Variants in PDE11A observed in about 807,000 individuals in gnomAD.
PDE11A encodes the protein phosphodiesterase 11A.
Under a neutral mutation model 100.5 loss-of-function variants are expected in PDE11A, and 100 were observed. The observed-to-expected ratio is 1.00, with a 90% CI of 0.85 to 1.18. The LOEUF (loss-of-function observed/expected upper bound fraction) is 1.18, where lower values mean the gene tolerates loss of function less well. PDE11A is among the 50% of genes most tolerant of loss of function. PDE11A has a pLI of 0.00. For synonymous variants in PDE11A, 381 were observed against 420.8 expected, an observed-to-expected ratio of 0.91 and a Z score of 1.16; for missense variants, 1,141 against 1,152.6, an observed-to-expected ratio of 0.99 and a Z score of 0.15.
At chr2:177,815,598 A>C (rs80322631) in intron 9 of PDE11A, among the ~76,000 whole-genome samples, 1,745 of 152,278 alleles carry the variant, frequency 0.011, 15 homozygotes, top group East Asian at 0.059. Flanking sequence ...AAAATTATTC[A>C]ATAAATCCCA....
At chr2:177,904,087 C>A (rs1010504758) in intron 3 of PDE11A, among the ~76,000 whole-genome samples, 2 of 152,068 alleles carry the variant, frequency 1.3e-5, no homozygotes, top group Non-Finnish European at 2.9e-5. Flanking sequence ...GGTTTCAAAC[C>A]TTTTTGAACA....
chr2:178,059,169 C>T (rs773650651), intron 1 of PDE11A, among the ~76,000 whole-genome samples: 8 of 152,218 alleles, frequency 5.3e-5, no homozygotes, highest in Non-Finnish European at 7.3e-5. Context: ...GCCCTAGCTC[C>T]ATGAGCCCTG....
intron 2 of PDE11A, among the ~76,000 whole-genome samples, chr2:178,013,575 T>C (rs1337641369): frequency 6.6e-6 from 1 of 152,196 alleles, no homozygotes; most frequent in Non-Finnish European, 1.5e-5. Flanking sequence ...TAAATAGAAA[T>C]ATGAGAGTCA....
chr2:178,092,324 C>T (rs2087433100), intron 2 of PDE11A, among the ~76,000 whole-genome samples: 1 of 152,194 alleles, frequency 6.6e-6, no homozygotes, highest in Non-Finnish European at 1.5e-5. Context: ...AGCATGCCAA[C>T]AAAAGCGAGT....
chr2:177,922,887 A>G, intron 2 of PDE11A: 4 of 911,460 alleles, frequency 4.4e-6, no homozygotes, highest in Non-Finnish European at 5.2e-6. Flanking sequence ...TAAGTTGTAT[A>G]CCTCTGTCTT....
intron 1 of PDE11A, among the ~76,000 whole-genome samples, chr2:178,032,998 G>A (rs1898013): frequency 0.5 from 76,426 of 151,988 alleles, 19,996 homozygotes; most frequent in East Asian, 0.71. Flanking sequence ...TCTCCTCCAA[G>A]TGGTTACAAC....
chr2:177,833,636 T>G (rs1228125112), intron 6 of PDE11A, among the ~76,000 whole-genome samples: 1 of 152,238 alleles, frequency 6.6e-6, no homozygotes, highest in South Asian at 2.1e-4. Flanking sequence ...TTCTATTTAC[T>G]GAAAGTTGAT....
intron 15 of PDE11A, among the ~76,000 whole-genome samples, chr2:177,694,914 T>C (rs1018641755): frequency 9.2e-5 from 14 of 152,034 alleles, no homozygotes; most frequent in African/African-American, 3.4e-4. Context: ...TCTTGTTTCA[T>C]GGATGCAATA....
intron 2 of PDE11A, among the ~76,000 whole-genome samples, chr2:178,086,895 A>G (rs1332717159): frequency 6.6e-6 from 1 of 152,214 alleles, no homozygotes; most frequent in African/African-American, 2.4e-5. Flanking sequence ...CAGTTTTCTC[A>G]ACTTTAAAAT....
chr2:178,086,235 A>G (rs1343818563), intron 2 of PDE11A, among the ~76,000 whole-genome samples: 1 of 152,142 alleles, frequency 6.6e-6, no homozygotes, highest in Admixed American at 6.5e-5. Flanking sequence ...AAAAAATGCA[A>G]AAGTGTAAGC....
At chr2:177,875,793 T>C in intron 5 of PDE11A, 66 bp downstream of exon 5, 1 of 984,306 alleles carries the variant, frequency 1.0e-6, no homozygotes, top group Non-Finnish European at 1.7e-6. Flanking sequence ...TTCTAAGAAT[T>C]ATGCAATGCT....
At chr2:177,738,704 G>A (rs1350702559) in intron 10 of PDE11A, among the ~76,000 whole-genome samples, 2 of 152,200 alleles carry the variant, frequency 1.3e-5, no homozygotes, top group Non-Finnish European at 1.5e-5. Context: ...AGCCTCACCA[G>A]AGAGAGGGAG....
chr2:177,785,845 C>T (rs1190190022), intron 9 of PDE11A, among the ~76,000 whole-genome samples: 1 of 152,202 alleles, frequency 6.6e-6, no homozygotes, highest in African/African-American at 2.4e-5. Flanking sequence ...GGGGCGCCCA[C>T]CATTGCCCAG....
intron 9 of PDE11A, among the ~76,000 whole-genome samples, chr2:177,816,331 A>T (rs1214235882): frequency 6.6e-6 from 1 of 152,340 alleles, no homozygotes; most frequent in East Asian, 1.9e-4. Context: ...CTGAGAGGAC[A>T]TATGTGCAGA....
chr2:177,871,568 A>G (rs1227402606), intron 5 of PDE11A, among the ~76,000 whole-genome samples: 1 of 138,542 alleles, frequency 7.2e-6, no homozygotes, highest in Non-Finnish European at 1.6e-5. Flanking sequence ...TATTATTATT[A>G]TTATTTTAAA....
chr2:177,641,701 A>G (rs1183739348), intron 19 of PDE11A, among the ~76,000 whole-genome samples: 1 of 152,250 alleles, frequency 6.6e-6, no homozygotes, highest in African/African-American at 2.4e-5. Flanking sequence ...TTGAAAAACA[A>G]ATAATCAACC....
rs537778981 is a variant in PDE11A, at chr2:177,848,423, C to T, written c.1368-8040G>A. Among the ~76,000 whole-genome samples the T allele has an allele frequency of 4.6e-5, 7 of 152,264 alleles. No homozygotes were observed. The East Asian group carries it at 1.2e-3, about 25-fold the overall frequency. On this transcript the variant is annotated intron_variant, in intron 5 of 19. Transcript: ENST00000286063. ...TCTACAAAGTAGACCTCCCTAAGCT[C>T]GATTCACTTCAGCATAACACTCTAA...
chr2:178,014,524 G>C (rs540441425), intron 1 of PDE11A, 64 bp from the exon 2 acceptor site: 8 of 1,334,876 alleles, frequency 6.0e-6, no homozygotes, highest in African/African-American at 1.4e-5. Flanking sequence ...AGGAGAGAGA[G>C]GTTTATTTCT....
intron 2 of PDE11A, among the ~76,000 whole-genome samples, chr2:178,095,068 A>G (rs911359188): frequency 1.3e-5 from 2 of 152,124 alleles, no homozygotes; most frequent in Non-Finnish European, 2.9e-5. Context: ...TTCCAAATCT[A>G]ACATCATTTT....
Sources: gnomAD v4.1 joint callset for allele counts (sites outside exome capture counted in the v4.1 genomes callset) on GRCh38, gnomAD v4.1.1 for gene constraint, MANE v1.5 for transcripts, NCBI Gene and HGNC (gene_info 2026-07-23, HGNC 2026-07-21) for gene names.